Variants in CSGALNACT1 observed in about 807,000 individuals in gnomAD.
The protein encoded by CSGALNACT1 is beta4GalNAcT-1.
Under a neutral mutation model 51.0 loss-of-function variants are expected in CSGALNACT1, and 52 were observed. The observed-to-expected ratio is 1.02, with a 90% CI of 0.82 to 1.29. The LOEUF (loss-of-function observed/expected upper bound fraction) is 1.29, where lower values mean the gene tolerates loss of function less well. CSGALNACT1 is among the 50% of genes most tolerant of loss of function. CSGALNACT1 has a pLI of 0.00. For synonymous variants in CSGALNACT1, 341 were observed against 254.4 expected, an observed-to-expected ratio of 1.34 and a Z score of -3.24; for missense variants, 935 against 679.2, an observed-to-expected ratio of 1.38 and a Z score of -4.19.
intron 1 of CSGALNACT1, among the ~76,000 whole-genome samples, chr8:19,650,109 C>T (rs561441447): frequency 6.6e-6 from 1 of 152,222 alleles, no homozygotes; most frequent in Admixed American, 6.5e-5. Flanking sequence ...TTCAGTTGCT[C>T]TGGGGTGAGA....
At chr8:19,574,587 A>T (rs867951656) in intron 3 of CSGALNACT1, among the ~76,000 whole-genome samples, 21 of 152,158 alleles carry the variant, frequency 1.4e-4, no homozygotes, top group African/African-American at 4.8e-4. Context: ...CACTAAAGCC[A>T]CAGCCAGCCC....
chr8:19,500,780 C>A (rs1430523673), intron 4 of CSGALNACT1, among the ~76,000 whole-genome samples: 1 of 152,206 alleles, frequency 6.6e-6, no homozygotes, highest in Non-Finnish European at 1.5e-5. Context: ...CCTCTTAGTC[C>A]ATTGTGTGCT....
intron 4 of CSGALNACT1, among the ~76,000 whole-genome samples, chr8:19,489,505 C>T (rs1006981273): frequency 1.3e-5 from 2 of 152,140 alleles, no homozygotes; most frequent in African/African-American, 4.8e-5. Flanking sequence ...TCTTCCTATC[C>T]CCTCTGTGAT....
intron 1 of CSGALNACT1, among the ~76,000 whole-genome samples, chr8:19,742,965 G>T (rs1024886480): frequency 6.6e-6 from 1 of 152,106 alleles, no homozygotes; most frequent in African/African-American, 2.4e-5. Flanking sequence ...AGAAACACTG[G>T]ACTAGATGAT....
intron 4 of CSGALNACT1, among the ~76,000 whole-genome samples, chr8:19,476,219 G>A (rs1287224451): frequency 6.6e-6 from 1 of 152,040 alleles, no homozygotes; most frequent in African/African-American, 2.4e-5. Context: ...GCCAATTTGA[G>A]TGTACTCCCC....
chr8:19,728,643 G>T (rs754734133), intron 1 of CSGALNACT1, among the ~76,000 whole-genome samples: 1 of 152,174 alleles, frequency 6.6e-6, no homozygotes, highest in East Asian at 1.9e-4. Context: ...TTCAGCCCAC[G>T]ATTTATGCAG....
At chr8:19,552,918 T>C (rs766498822) in intron 3 of CSGALNACT1, among the ~76,000 whole-genome samples, 1 of 152,078 alleles carries the variant, frequency 6.6e-6, no homozygotes, top group Non-Finnish European at 1.5e-5. Context: ...TGAGAGGCCC[T>C]GGGGAAAAAC....
At chr8:19,726,770 T>C (rs1330598955) in intron 1 of CSGALNACT1, among the ~76,000 whole-genome samples, 2 of 152,178 alleles carry the variant, frequency 1.3e-5, no homozygotes, top group African/African-American at 2.4e-5. Context: ...AGAAATTTCC[T>C]CTGGATAGCA....
At chr8:19,731,724 T>C (rs2063704339) in intron 1 of CSGALNACT1, among the ~76,000 whole-genome samples, 1 of 152,198 alleles carries the variant, frequency 6.6e-6, no homozygotes, top group Non-Finnish European at 1.5e-5. Context: ...TTTAAAATAG[T>C]TGCACTATGT....
intron 6 of CSGALNACT1, 86 bp from the exon 6 acceptor site, chr8:19,420,604 C>T: frequency 7.3e-7 from 1 of 1,370,206 alleles, no homozygotes; most frequent in South Asian, 1.2e-5. Context: ...GGCCCATCCA[C>T]ATCTTGACCC....
intron 1 of CSGALNACT1, among the ~76,000 whole-genome samples, chr8:19,617,875 C>T (rs978676864): frequency 6.6e-5 from 10 of 152,062 alleles, no homozygotes; most frequent in African/African-American, 2.4e-4. Context: ...TCATTATATT[C>T]CTATATGCTT....
upstream of CSGALNACT1, among the ~76,000 whole-genome samples, chr8:19,604,539 C>T (rs542977412): frequency 1.3e-5 from 2 of 152,198 alleles, no homozygotes; most frequent in South Asian, 2.1e-4. Flanking sequence ...CAAAGGAAAG[C>T]GAGCCTTTGC....
chr8:19,678,110 A>C (rs7012082), intron 1 of CSGALNACT1, among the ~76,000 whole-genome samples: 9,806 of 151,378 alleles, frequency 0.065, 387 homozygotes, highest in African/African-American at 0.12. Context: ...ATCTCAAACA[A>C]ACAAAAAAAA....
At chr8:19,707,815 A>T (rs1411656307) in intron 1 of CSGALNACT1, among the ~76,000 whole-genome samples, 3 of 152,164 alleles carry the variant, frequency 2.0e-5, no homozygotes, top group Non-Finnish European at 2.9e-5. Flanking sequence ...AGCCTGGCCA[A>T]GATGGTGAAA....
At chr8:19,470,908 C>T (rs1192012326) in intron 4 of CSGALNACT1, among the ~76,000 whole-genome samples, 1 of 152,036 alleles carries the variant, frequency 6.6e-6, no homozygotes, top group Non-Finnish European at 1.5e-5. Flanking sequence ...CTAGCCTGGC[C>T]AATGTGGTGA....
At chr8:19,514,811 G>C (rs113830989) in intron 3 of CSGALNACT1, among the ~76,000 whole-genome samples, 22 of 151,030 alleles carry the variant, frequency 1.5e-4, no homozygotes, top group Middle Eastern at 3.4e-3. Context: ...CCAGCCTGGG[G>C]GACAGAGTGA....
intron 1 of CSGALNACT1, among the ~76,000 whole-genome samples, chr8:19,639,538 G>C (rs2056499411): frequency 6.6e-6 from 1 of 152,122 alleles, no homozygotes; most frequent in African/African-American, 2.4e-5. Flanking sequence ...CATCACTCTT[G>C]GTCAGGGCAC....
Position 19,457,367 on chromosome 8 carries a change from T to G in CSGALNACT1, c.851+1059A>C, listed in dbSNP as rs1413406017. 2.0e-5 allele frequency among the ~76,000 whole-genome samples: 3 copies of G among 152,140 alleles called. No homozygotes were observed. In the South Asian group the frequency reaches 6.2e-4, roughly 32 times the overall value. Reference sequence around the variant, plus strand: ...GTGGCTCACGCCTGTAATCCCAGCATTTTGAGAGGCCGAGGTGAGCAGATC... The same window carrying G: ...GTGGCTCACGCCTGTAATCCCAGCAGTTTGAGAGGCCGAGGTGAGCAGATC... On this transcript the variant is annotated intron_variant, in intron 5 of 9. Coordinates refer to ENST00000454498, the Ensembl canonical transcript of CSGALNACT1.
intron 1 of CSGALNACT1, among the ~76,000 whole-genome samples, chr8:19,720,999 T>G (rs1282424113): frequency 6.6e-6 from 1 of 152,006 alleles, no homozygotes; most frequent in Non-Finnish European, 1.5e-5. Flanking sequence ...ACACACTGGG[T>G]TTTAAAGCAC....
Sources: gnomAD v4.1 joint callset for allele counts (sites outside exome capture counted in the v4.1 genomes callset) on GRCh38, gnomAD v4.1.1 for gene constraint, MANE v1.5 for transcripts, NCBI Gene and HGNC (gene_info 2026-07-23, HGNC 2026-07-21) for gene names.